The following PDE1A variants were observed in gnomAD, a reference collection of about 807,000 sequenced individuals.
PDE1A encodes the protein phosphodiesterase 1A, also known as dual specificity calcium/calmodulin-dependent 3',5'-cyclic nucleotide phosphodiesterase 1A.
In PDE1A, 35 loss-of-function variants were observed where a neutral mutation model predicts 61.7. The observed-to-expected ratio is 0.57, with a 90% confidence interval of 0.43 to 0.75. PDE1A has a LOEUF of 0.75. Among genes scored for constraint, PDE1A ranks in the 30% least tolerant of loss-of-function variants. The probability of loss-of-function intolerance (pLI) is 0.00; values close to 1 mark genes in which losing one functional copy is unlikely to be tolerated. For synonymous variants in PDE1A, 232 were observed against 213.2 expected, an observed-to-expected ratio of 1.09 and a Z score of -0.77; for missense variants, 597 against 630.6, an observed-to-expected ratio of 0.95 and a Z score of 0.57.
At chr2:182,232,494 T>C (rs959888814) in intron 4 of PDE1A, among the ~76,000 whole-genome samples, 1 of 152,200 alleles carries the variant, frequency 6.6e-6, no homozygotes, top group African/African-American at 2.4e-5. Flanking sequence ...ATAAAAAGTA[T>C]TCAGTCTCTT....
At position 182,224,046 on chromosome 2, in the gene PDE1A, CCT is replaced by C. The variant is rs1688946780; in HGVS notation, c.676-84_676-83del. On this transcript the variant is annotated intron_variant, in intron 6 of 13. Transcript: ENST00000351439. ...TCTTTGAAAAGGACTTTCAGTGCAC[CCT>C]GTTTATGTAATCATATAAAATTATT... is the stretch of plus-strand genomic sequence containing the variant. 6 of 809,734 alleles carry C rather than the reference CCT, an allele frequency of 7.4e-6. 1 individual carries two copies. The highest frequency in any genetic ancestry group is 3.2e-5 in the South Asian group (2 of 62,536). 50.2% of individuals were successfully genotyped at this position (809,734 alleles called of 1,614,324 possible). A position where few individuals can be genotyped will look rare whatever the true frequency, so the allele number is the denominator to read the frequency against.
the PDE1A span, among the ~76,000 whole-genome samples, chr2:182,664,565 C>T: frequency 6.6e-6 from 1 of 152,060 alleles, no homozygotes; most frequent in Non-Finnish European, 1.5e-5. Flanking sequence ...ATAATGACAA[C>T]GCATTTGGCT....
chr2:182,430,246 A>G (rs890920831), upstream of PDE1A, among the ~76,000 whole-genome samples: 1 of 143,728 alleles, frequency 7.0e-6, no homozygotes, highest in Non-Finnish European at 1.5e-5. Context: ...CAATGAACTC[A>G]AACAAATTTA....
chr2:182,514,650 C>T (rs1040178265), intron 2 of PDE1A, among the ~76,000 whole-genome samples: 2 of 152,110 alleles, frequency 1.3e-5, no homozygotes, highest in South Asian at 2.1e-4. Context: ...CTTCTTTTCA[C>T]CATATACAAA....
the PDE1A span, among the ~76,000 whole-genome samples, chr2:182,572,564 A>G: frequency 6.6e-6 from 1 of 152,302 alleles, no homozygotes; most frequent in Non-Finnish European, 1.5e-5. Context: ...CTTGCTAAAC[A>G]TTTATAAGGC....
At chr2:182,394,381 C>G (rs1701585873) in intron 1 of PDE1A, among the ~76,000 whole-genome samples, 1 of 152,160 alleles carries the variant, frequency 6.6e-6, no homozygotes, top group Admixed American at 6.5e-5. Flanking sequence ...ATCACCAAAA[C>G]AGCATGGGAA....
chr2:182,678,654 AAAC>A, the PDE1A span, among the ~76,000 whole-genome samples: 367 of 152,332 alleles, frequency 2.4e-3, 2 homozygotes, highest in African/African-American at 8.4e-3. Context: ...GAATTTATCA[AAAC>A]AACAACCAGT....
chr2:182,375,972 GA>G (rs1193540104), intron 1 of PDE1A, among the ~76,000 whole-genome samples: 4 of 152,292 alleles, frequency 2.6e-5, no homozygotes, highest in Admixed American at 2.6e-4. Flanking sequence ...GAGTGACTAG[GA>G]CACAAGGCAC....
intron 2 of PDE1A, among the ~76,000 whole-genome samples, chr2:182,492,253 T>C (rs1281870309): frequency 1.3e-5 from 2 of 152,216 alleles, no homozygotes; most frequent in Non-Finnish European, 2.9e-5. Context: ...TACCAATATC[T>C]AATTATTTAT....
At chr2:182,202,848 C>T (rs1291327411) in intron 8 of PDE1A, among the ~76,000 whole-genome samples, 1 of 152,132 alleles carries the variant, frequency 6.6e-6, no homozygotes, top group Non-Finnish European at 1.5e-5. Context: ...CTTGTTTGCT[C>T]TATACAGATA....
intron 2 of PDE1A, among the ~76,000 whole-genome samples, chr2:182,488,040 A>T (rs1688128046): frequency 6.6e-6 from 1 of 152,224 alleles, no homozygotes; most frequent in African/African-American, 2.4e-5. Context: ...AGTGGTTTAC[A>T]ATATTGAACA....
chr2:182,265,834 A>G (rs1692596606), intron 1 of PDE1A, among the ~76,000 whole-genome samples: 1 of 152,174 alleles, frequency 6.6e-6, no homozygotes, highest in African/African-American at 2.4e-5. Flanking sequence ...CTATTTTCCT[A>G]AGTCATCAGA....
chr2:182,457,699 T>G (rs1165454253), intron 2 of PDE1A, among the ~76,000 whole-genome samples: 1 of 152,148 alleles, frequency 6.6e-6, no homozygotes, highest in Non-Finnish European at 1.5e-5. Context: ...CAAAAAAGCA[T>G]GTACAGACAA....
rs201821721 is a variant in PDE1A at position 182,364,466 on chromosome 2, TAAAAAAAAAAAAAAAAAA to T, written c.53+62094_53+62111del. Among the ~76,000 whole-genome samples the T allele has an allele frequency of 1.4e-4, 5 of 35,844 alleles. No individual in the cohort carries two copies. The East Asian group carries it at 2.0e-3, about 14-fold the overall frequency. 23.5% of individuals were successfully genotyped at this position (35,844 alleles called of 152,430 possible). ...CTCAGACTATATTAGAACACTTTGG[TAAAAAAAAAAAAAAAAAA>T]AAAAAAAAAAAAAAACCTTATTCTG... On this transcript the variant is annotated intron_variant, in intron 1 of 13. Transcript: ENST00000351439.
At chr2:182,281,921 TAAAGA>T (rs1014864981) in intron 1 of PDE1A, among the ~76,000 whole-genome samples, 10 of 152,020 alleles carry the variant, frequency 6.6e-5, no homozygotes, top group African/African-American at 2.4e-4. Flanking sequence ...ACTAAAATGA[TAAAGA>T]AAAGAAACAA....
intron 2 of PDE1A, among the ~76,000 whole-genome samples, chr2:182,252,679 A>G (rs7567023): frequency 0.048 from 7,264 of 152,192 alleles, 533 homozygotes; most frequent in African/African-American, 0.17. Flanking sequence ...TGCCCCAGAT[A>G]AGTTTCCAGG....
At chr2:182,396,988 G>T (rs368252605) in intron 1 of PDE1A, among the ~76,000 whole-genome samples, 137 of 152,174 alleles carry the variant, frequency 9.0e-4, no homozygotes, top group African/African-American at 3.2e-3. Context: ...CTACCTGTGG[G>T]TATTTCCCTT....
chr2:182,454,001 CTGTATATCT>C (rs942414630), intron 2 of PDE1A, among the ~76,000 whole-genome samples: 1 of 151,272 alleles, frequency 6.6e-6, no homozygotes, highest in African/African-American at 2.4e-5. Flanking sequence ...GATGACATGA[CTGTATATCT>C]AGAAAACCCC....
intron 1 of PDE1A, among the ~76,000 whole-genome samples, chr2:182,420,170 G>A (rs1317005615): frequency 6.6e-6 from 1 of 151,954 alleles, no homozygotes; most frequent in Non-Finnish European, 1.5e-5. Flanking sequence ...TGCCTAATGG[G>A]TCCAAAAATT....
Sources: gnomAD v4.1 joint callset for allele counts (sites outside exome capture counted in the v4.1 genomes callset) on GRCh38, gnomAD v4.1.1 for gene constraint, MANE v1.5 for transcripts, NCBI Gene and HGNC (gene_info 2026-07-23, HGNC 2026-07-21) for gene names.